Variants in TRRAP observed in about 807,000 individuals in gnomAD.
TRRAP encodes the protein transformation/transcription domain-associated protein.
TRRAP carries 41 observed loss-of-function variants against 438.8 expected under a neutral mutation model. The observed-to-expected ratio is 0.09, with a 90% CI of 0.07 to 0.12. TRRAP has a LOEUF of 0.12. Among genes scored for constraint, TRRAP ranks in the 10% least tolerant of loss-of-function variants. The pLI is 1.00. For synonymous variants in TRRAP, 1,994 were observed against 1,962.9 expected (o/e 1.02, Z -0.42); for missense variants, 3,122 against 5,055.1 (o/e 0.62, Z 11.60).
At chr7:98,918,508 G>A (rs1422685804) in intron 20 of TRRAP, among the ~76,000 whole-genome samples, 4 of 151,734 alleles carry the variant, frequency 2.6e-5, no homozygotes, top group South Asian at 4.2e-4. Flanking sequence ...GATTACAGCC[G>A]CGAGTCACCG....
At chr7:98,965,917 T>C in intron 49 of TRRAP, 22 bp downstream of exon 49, 3 of 1,612,966 alleles carry the variant, frequency 1.9e-6, no homozygotes, top group Middle Eastern at 1.6e-4. Flanking sequence ...CGGTGTGCCA[T>C]GTGATCTCCC....
chr7:99,010,782 G>C (rs1032415313), intron 70 of TRRAP, among the ~76,000 whole-genome samples: 1 of 152,172 alleles, frequency 6.6e-6, no homozygotes, highest in Admixed American at 6.5e-5. Context: ...CTGCATTCTT[G>C]TCAGGTATCG....
intron 67 of TRRAP, among the ~76,000 whole-genome samples, chr7:99,001,031 A>C (rs1261624437): frequency 6.6e-6 from 1 of 152,242 alleles, no homozygotes; most frequent in Non-Finnish European, 1.5e-5. Context: ...GAATCTCCTA[A>C]AGACTCATTG....
At chr7:98,982,025 G>C in intron 59 of TRRAP, 65 bp downstream of exon 59, 1 of 1,430,818 alleles carries the variant, frequency 7.0e-7, no homozygotes, top group Non-Finnish European at 9.1e-7. Context: ...CCGGTGTCCA[G>C]GCTTAGGTCT....
In TRRAP at chr7:99,011,719, TGTC is replaced by T. The variant is rs1427328694; in HGVS notation, c.11337+185_11337+187del. On this transcript the variant is annotated intron_variant, in intron 72 of 72. Transcript: ENST00000456197. The surrounding 1 kb of genome is among the most constrained non-coding windows in gnomAD (Gnocchi z 7.1). ...GATGGTTTTCTCTTTGGTTCACTCT[TGTC>T]TGTAGTGCTTGGAACGGGCCTGCCT... Among the ~76,000 whole-genome samples the T allele has an allele frequency of 6.6e-6, 1 of 152,264 alleles. No individual in the cohort carries two copies. Among genetic ancestry groups the T allele is most frequent in the East Asian group, 1.9e-4 (1 of 5,196 alleles).
chr7:98,937,361 A>G, intron 29 of TRRAP, 84 bp downstream of exon 29: 1 of 1,524,840 alleles, frequency 6.6e-7, no homozygotes, highest in Non-Finnish European at 8.8e-7. Context: ...CTTCCTGTTT[A>G]TTGCTATATA....
In TRRAP at chr7:99,012,446, T is replaced by G. The variant is rs1794472440; in HGVS notation, c.*91T>G. The G allele has an allele frequency of 7.1e-7, 1 of 1,402,002 alleles. No homozygotes were observed. The highest frequency in any genetic ancestry group is 9.5e-7 in the Non-Finnish European group (1 of 1,051,860). 86.8% of individuals were successfully genotyped at this position (1,402,002 alleles called of 1,614,324 possible). On this transcript the variant is annotated 3_prime_UTR_variant, in exon 73 of 73. Transcript: ENST00000456197. The surrounding 1 kb of genome is among the most constrained non-coding windows in gnomAD (Gnocchi z 5.9). The stretch of plus-strand genomic sequence containing the variant: ...ACTTCTCCCTGCCTCGTTCCTTATA[T>G]TCACAGAAGCCCCATAGTTTCACTG...
chr7:98,968,687 A>G (rs1792269988), intron 51 of TRRAP, among the ~76,000 whole-genome samples: 1 of 152,214 alleles, frequency 6.6e-6, no homozygotes, highest in Non-Finnish European at 1.5e-5. Context: ...CAGCTGGGAC[A>G]GAAGGTGGAT....
At chr7:98,921,034 T>C (rs1431633335) in intron 20 of TRRAP, among the ~76,000 whole-genome samples, 1 of 152,160 alleles carries the variant, frequency 6.6e-6, no homozygotes, top group Admixed American at 6.5e-5. Context: ...ATGGGGTTAC[T>C]CCATGTTGGT....
intron 67 of TRRAP, among the ~76,000 whole-genome samples, chr7:99,003,411 A>G (rs1417685008): frequency 6.6e-6 from 1 of 152,104 alleles, no homozygotes; most frequent in Admixed American, 6.5e-5. Flanking sequence ...CTTTGATTAC[A>G]ATATCAGCTT....
intron 67 of TRRAP, among the ~76,000 whole-genome samples, chr7:99,003,756 C>T (rs1794039346): frequency 6.6e-6 from 1 of 152,172 alleles, no homozygotes; most frequent in Non-Finnish European, 1.5e-5. Context: ...TGTTTTGCTC[C>T]ACACCATGTA....
intron 4 of TRRAP, among the ~76,000 whole-genome samples, chr7:98,891,759 C>T (rs1459344294): frequency 1.4e-5 from 2 of 148,028 alleles, no homozygotes; most frequent in African/African-American, 2.5e-5. Flanking sequence ...AGGATGGTCT[C>T]GATCTCCTGA....
chr7:98,924,323 G>A (rs1789934199), intron 21 of TRRAP, among the ~76,000 whole-genome samples: 1 of 152,210 alleles, frequency 6.6e-6, no homozygotes, highest in Non-Finnish European at 1.5e-5. Context: ...TTCACCAGGT[G>A]AATACCTATT....
intron 44 of TRRAP, among the ~76,000 whole-genome samples, chr7:98,958,500 A>G (rs1791732246): frequency 6.6e-6 from 1 of 152,062 alleles, no homozygotes; most frequent in Non-Finnish European, 1.5e-5. Flanking sequence ...GGGTTTCACC[A>G]TGTTGGCCAG....
intron 67 of TRRAP, chr7:98,999,957 A>C: frequency 4.4e-6 from 1 of 227,586 alleles, no homozygotes; most frequent in Non-Finnish European, 8.4e-6. Flanking sequence ...GTTAATAACA[A>C]TCAGAAAAAA....
At chr7:98,887,971 C>G (rs1554404218) in intron 3 of TRRAP, among the ~76,000 whole-genome samples, 1 of 152,112 alleles carries the variant, frequency 6.6e-6, no homozygotes, top group African/African-American at 2.4e-5. Flanking sequence ...GTGGCTCCCG[C>G]CTGTAATCCC....
intron 24 of TRRAP, 106 bp downstream of exon 24, chr7:98,930,312 C>G: frequency 7.3e-7 from 1 of 1,369,798 alleles, no homozygotes; most frequent in Non-Finnish European, 1.0e-6. Context: ...CGCAGTGGCT[C>G]ACGCCTGTAA....
chr7:98,981,060 A>C (rs1246869261), intron 58 of TRRAP, among the ~76,000 whole-genome samples: 1 of 152,124 alleles, frequency 6.6e-6, no homozygotes, highest in Non-Finnish European at 1.5e-5. Flanking sequence ...AAAAAAAATC[A>C]CACTGATGTT....
rs144763939 is a variant in TRRAP, at chr7:98,920,206, C to T, written c.2623-1547C>T. Among the ~76,000 whole-genome samples the T allele has an allele frequency of 1.2e-3, 184 of 152,270 alleles. 1 individual carries two copies. Among genetic ancestry groups the T allele is most frequent in the African/African-American group, 3.9e-3 (162 of 41,546 alleles). On this transcript the variant is annotated intron_variant, in intron 20 of 72. Coordinates refer to ENST00000456197, the MANE Select transcript of TRRAP (RefSeq NM_001375524.1). ...AGATTTATGGCCGGGTGCGGTGGCT[C>T]ACGCCTGTAATCCCAGCACTTTGGG... is the stretch of plus-strand genomic sequence containing the variant.
Sources: gnomAD v4.1 joint callset for allele counts (sites outside exome capture counted in the v4.1 genomes callset) on GRCh38, gnomAD v4.1.1 for gene constraint, Gnocchi (gnomAD v3.1) non-coding constraint, MANE v1.5 for transcripts, NCBI Gene and HGNC (gene_info 2026-07-23, HGNC 2026-07-21) for gene names.